Variants in TECRL observed in about 807,000 individuals in gnomAD.
TECRL encodes trans-2,3-enoyl-CoA reductase like.
In TECRL, 63 loss-of-function variants were observed where a neutral mutation model predicts 52.8. The observed-to-expected ratio is 1.19, with a 90% CI of 0.97 to 1.47. The LOEUF (loss-of-function observed/expected upper bound fraction) is 1.47. TECRL is among the 40% of genes most tolerant of loss of function. TECRL has a pLI of 0.00. For synonymous variants in TECRL, 164 were observed against 141.9 expected, an observed-to-expected ratio of 1.16 and a Z score of -1.10; for missense variants, 482 against 429.6, an observed-to-expected ratio of 1.12 and a Z score of -1.08.
chr4:64,282,173 T>C (rs1472687270), intron 9 of TECRL, among the ~76,000 whole-genome samples: 1 of 151,994 alleles, frequency 6.6e-6, no homozygotes, highest in East Asian at 1.9e-4. Context: ...ACTTCACATA[T>C]TGTCACTTTA....
At chr4:64,392,972 T>C (rs980956931) in intron 1 of TECRL, among the ~76,000 whole-genome samples, 3 of 151,922 alleles carry the variant, frequency 2.0e-5, no homozygotes, top group African/African-American at 7.2e-5. Flanking sequence ...AGTTATATAC[T>C]AGTCACTCTA....
In TECRL at chr4:64,368,265, A is replaced by G. The variant is rs971884430; in HGVS notation, c.286+6907T>C. 3.8e-5 allele frequency among the ~76,000 whole-genome samples: 5 copies of G among 130,236 alleles called. No homozygotes were observed. The Admixed American group carries it at 4.2e-4, about 11-fold the overall frequency. The allele number at this position is 130,236 out of a possible 152,430, so 85.4% of individuals were successfully genotyped here. A position where few individuals can be genotyped will look rare whatever the true frequency, so the allele number is the denominator to read the frequency against. On this transcript the variant is annotated intron_variant, in intron 2 of 11. Transcript: ENST00000381210. Reference sequence around the variant, plus strand: ...ATCTAAAATGTTGACAAGGCTCATAACTGTTTGTTTGTTTGTTTTCTTTTT... The same window carrying G: ...ATCTAAAATGTTGACAAGGCTCATAGCTGTTTGTTTGTTTGTTTTCTTTTT...
chr4:64,387,228 C>T (rs990458371), intron 1 of TECRL, among the ~76,000 whole-genome samples: 1 of 151,926 alleles, frequency 6.6e-6, no homozygotes, highest in African/African-American at 2.4e-5. Flanking sequence ...CCCTGAATGT[C>T]TTTTCATGGG....
intron 1 of TECRL, among the ~76,000 whole-genome samples, chr4:64,382,227 AT>A (rs1560545442): frequency 3.0e-4 from 1 of 3,388 alleles, no homozygotes; most frequent in East Asian, 0.1. Flanking sequence ...ATATATATAT[AT>A]ATATATAGTA....
At chr4:64,392,312 A>G (rs911183681) in intron 1 of TECRL, among the ~76,000 whole-genome samples, 1 of 151,898 alleles carries the variant, frequency 6.6e-6, no homozygotes, top group Non-Finnish European at 1.5e-5. Flanking sequence ...GTTAAAAACC[A>G]TAATAAAAAT....
At position 64,289,735 on chromosome 4, in the gene TECRL, T is replaced by A; in HGVS notation, c.807A>T (p.Val269=). 6.5e-7 allele frequency: 1 copy of A among 1,549,578 alleles called. No homozygotes were observed. The highest frequency in any genetic ancestry group is 8.6e-7 in the Non-Finnish European group (1 of 1,157,524). The part of the protein sequence containing the change: ...ICEAGNHFIN[V]MLSHPNHTGN... ...CTGTGTGATTGGGATGAGACAACAT[T>A]ACATTGATGAAATGATTCCCAGCTT... The change falls in exon 9 of 12, where the codon GTA becomes GTT. Residue 269 remains valine (V), a synonymous_variant. Coordinates refer to ENST00000381210, the MANE Select transcript of TECRL (RefSeq NM_001010874.5).
At chr4:64,340,100 G>A (rs1209657833) in intron 2 of TECRL, among the ~76,000 whole-genome samples, 1 of 152,156 alleles carries the variant, frequency 6.6e-6, no homozygotes, top group Non-Finnish European at 1.5e-5. Flanking sequence ...CATCTGTAGA[G>A]GCTGTTGCCA....
intron 1 of TECRL, among the ~76,000 whole-genome samples, chr4:64,390,085 C>G (rs183967554): frequency 6.6e-6 from 1 of 151,766 alleles, no homozygotes. Context: ...AGTTTTGTCC[C>G]GGTATTTGCC....
chr4:64,379,482 G>A (rs1722630334), intron 1 of TECRL, among the ~76,000 whole-genome samples: 2 of 152,154 alleles, frequency 1.3e-5, no homozygotes, highest in East Asian at 3.9e-4. Flanking sequence ...TGTGTTGGAA[G>A]CATTTCAAAT....
intron 7 of TECRL, among the ~76,000 whole-genome samples, chr4:64,304,591 G>C (rs1306996803): frequency 6.6e-6 from 1 of 152,010 alleles, no homozygotes; most frequent in Non-Finnish European, 1.5e-5. Context: ...GAGCTGAAGA[G>C]AGAAAAGTCC....
At chr4:64,286,305 C>G (rs1465714433) in intron 9 of TECRL, among the ~76,000 whole-genome samples, 1 of 151,716 alleles carries the variant, frequency 6.6e-6, no homozygotes, top group Admixed American at 6.6e-5. Flanking sequence ...GAAACTTTCC[C>G]AGTAATATGA....
At chr4:64,361,844 C>A (rs1412617452) in intron 2 of TECRL, among the ~76,000 whole-genome samples, 1 of 152,086 alleles carries the variant, frequency 6.6e-6, no homozygotes, top group Admixed American at 6.6e-5. Flanking sequence ...AACTCCCCAG[C>A]AATAGTTCTT....
chr4:64,309,954 A>C, intron 5 of TECRL, 23 bp from the exon 6 acceptor site: 2 of 1,472,556 alleles, frequency 1.4e-6, no homozygotes, highest in Non-Finnish European at 9.4e-7. Flanking sequence ...ATAAAACATA[A>C]ACATGAAAAT....
chr4:64,374,165 A>G (rs1352256977), intron 2 of TECRL, among the ~76,000 whole-genome samples: 1 of 148,546 alleles, frequency 6.7e-6, no homozygotes, highest in Non-Finnish European at 1.5e-5. Flanking sequence ...ATATGACTTT[A>G]TAGCAAAATA....
intron 4 of TECRL, 26 bp downstream of exon 4, chr4:64,322,663 A>C (rs750262885): frequency 6.7e-7 from 1 of 1,489,806 alleles, no homozygotes; most frequent in African/African-American, 1.4e-5. Context: ...TGAGAAATGT[A>C]TATTACATTT....
At chr4:64,299,947 A>G (rs1409984339) in intron 8 of TECRL, 27 bp downstream of exon 8, 1 of 1,457,136 alleles carries the variant, frequency 6.9e-7, no homozygotes. Context: ...TAGAGCGTGA[A>G]TAGCAAAATA....
intron 1 of TECRL, among the ~76,000 whole-genome samples, chr4:64,401,740 C>T (rs181349697): frequency 1.3e-5 from 2 of 152,298 alleles, no homozygotes; most frequent in East Asian, 1.9e-4. Flanking sequence ...GACATAGTCA[C>T]CACTTCACTG....
chr4:64,314,139 A>G (rs1038997368), intron 5 of TECRL, among the ~76,000 whole-genome samples: 1 of 151,470 alleles, frequency 6.6e-6, no homozygotes, highest in Non-Finnish European at 1.5e-5. Context: ...GACAGAGCGA[A>G]ACTCTGTCTC....
rs1720012025 is a variant in TECRL at position 64,346,681 on chromosome 4, T to C, written c.287-18125A>G. Among the ~76,000 whole-genome samples, 3 of 152,220 alleles carry C rather than the reference T, an allele frequency of 2.0e-5. No individual in the cohort carries two copies. The South Asian group carries it at 6.2e-4, about 31-fold the overall frequency. Reference sequence around the variant, plus strand: ...ACAGAACCATTTTTTCCTCCTAGGTTTCCAGACCTGTGACAGAAGCTGCTG... The same window carrying C: ...ACAGAACCATTTTTTCCTCCTAGGTCTCCAGACCTGTGACAGAAGCTGCTG... On this transcript the variant is annotated intron_variant, in intron 2 of 11. Coordinates refer to ENST00000381210, the MANE Select transcript of TECRL (RefSeq NM_001010874.5).
Sources: gnomAD v4.1 joint callset for allele counts (sites outside exome capture counted in the v4.1 genomes callset) on GRCh38, gnomAD v4.1.1 for gene constraint, MANE v1.5 for transcripts, NCBI Gene and HGNC (gene_info 2026-07-23, HGNC 2026-07-21) for gene names.